The following SLIT3 variants were observed in gnomAD, a reference collection of about 807,000 sequenced individuals.
SLIT3 encodes slit guidance ligand 3.
SLIT3 carries 68 observed loss-of-function variants against 184.0 expected under a neutral mutation model. The observed-to-expected ratio is 0.37, with a 90% confidence interval of 0.30 to 0.45. SLIT3 has a LOEUF of 0.45. SLIT3 is among the 20% of genes least tolerant of loss of function. SLIT3 has a pLI of 1.00. For missense variants in SLIT3, 1,707 were observed against 2,026.0 expected, an observed-to-expected ratio of 0.84 and a Z score of 3.02; for synonymous variants, 831 against 828.6, an observed-to-expected ratio of 1.00 and a Z score of -0.05.
At chr5:169,259,305 C>T (rs763314927) in intron 1 of SLIT3, among the ~76,000 whole-genome samples, 15 of 152,134 alleles carry the variant, frequency 9.9e-5, no homozygotes, top group East Asian at 5.8e-4. Flanking sequence ...GTGATCCAAC[C>T]GCCTCAGCCT....
chr5:169,102,186 C>T (rs1273221198), intron 4 of SLIT3, among the ~76,000 whole-genome samples: 2 of 152,154 alleles, frequency 1.3e-5, no homozygotes, highest in Non-Finnish European at 2.9e-5. Flanking sequence ...TAAAAGGAAA[C>T]ATGTGTGTTG....
At chr5:168,999,386 G>C (rs571262795) in intron 4 of SLIT3, among the ~76,000 whole-genome samples, 116 of 151,660 alleles carry the variant, frequency 7.6e-4, no homozygotes, top group Non-Finnish European at 1.6e-4. Context: ...TGGATAAACA[G>C]TAATAATTAC....
At position 168,753,881 on chromosome 5, in the gene SLIT3, G is replaced by A. The variant is rs780068139; in HGVS notation, c.1812C>T (p.Leu604=). The A allele has an allele frequency of 7.4e-6, 12 of 1,611,272 alleles. No homozygotes were observed. The highest frequency in any genetic ancestry group is 2.2e-5 in the East Asian group (1 of 44,888). Residue 604 remains leucine (L), a synonymous_variant, in exon 17 of 36, where the codon CTC becomes CTT. Transcript: ENST00000519560. ...GCACTCACAAGGTTTTGAGGCCACT[G>A]AGGCCACGGAACACGCGCCCGTGCA... ...ETVHGRVFRG[L]SGLKTLMLRS...
chr5:168,687,009 C>T lies in SLIT3; in HGVS notation c.3284G>A (p.Gly1095Asp), dbSNP rs1761764669. The T allele has an allele frequency of 6.2e-7, 1 of 1,614,238 alleles. No homozygotes were observed. Among genetic ancestry groups the T allele is most frequent in the Non-Finnish European group, 8.5e-7 (1 of 1,180,020 alleles). The change falls in exon 30 of 36, where the codon GGC becomes GAC. Residue 1095 changes from glycine to aspartate, a missense_variant. Gly to Asp is a moderately conservative substitution (Grantham distance 94, BLOSUM62 -1). Coordinates refer to ENST00000519560, the MANE Select transcript of SLIT3 (RefSeq NM_003062.4). ...GCCCTGGGGGCAGGTGCATGTGTAG[C>T]CATTGATTGTGTCCACGCACTGGGC... Reference protein sequence around the residue: ...HGAQCVDTINGYTCTCPQGFS... With the variant: ...HGAQCVDTINDYTCTCPQGFS...
At chr5:168,870,352 C>T (rs1472971798) in intron 5 of SLIT3, among the ~76,000 whole-genome samples, 1 of 152,164 alleles carries the variant, frequency 6.6e-6, no homozygotes, top group Non-Finnish European at 1.5e-5. Context: ...TGCAGAAATC[C>T]CTAACCAGTC....
chr5:168,819,848 A>C (rs369048805), intron 7 of SLIT3, among the ~76,000 whole-genome samples: 7 of 152,068 alleles, frequency 4.6e-5, no homozygotes, highest in Admixed American at 3.9e-4. Context: ...CTTAATAGAA[A>C]TTTTTCTCCT....
At chr5:168,966,247 T>C (rs902204275) in intron 4 of SLIT3, among the ~76,000 whole-genome samples, 2 of 152,180 alleles carry the variant, frequency 1.3e-5, no homozygotes, top group African/African-American at 4.8e-5. Context: ...GTGCCATGTA[T>C]GTAGATTTTT....
At position 168,975,724 on chromosome 5, in the gene SLIT3, G is replaced by C. The variant is rs748820555; in HGVS notation, c.414-92388C>G. On this transcript the variant is annotated intron_variant, in intron 4 of 35. Transcript: ENST00000519560. Reference sequence around the variant, plus strand: ...CATTCTTCCCTGGATTTTCCCCTTTGCTTCCCTCCCCAGAAGTCCTCTAGA... The same window carrying C: ...CATTCTTCCCTGGATTTTCCCCTTTCCTTCCCTCCCCAGAAGTCCTCTAGA... 3.0e-4 allele frequency among the ~76,000 whole-genome samples: 45 copies of C among 152,108 alleles called. 1 individual carries two copies. The highest frequency in any genetic ancestry group is 5.1e-4 in the Non-Finnish European group (35 of 68,008).
intron 4 of SLIT3, among the ~76,000 whole-genome samples, chr5:169,001,178 A>G (rs1755691294): frequency 6.6e-6 from 1 of 152,232 alleles, no homozygotes; most frequent in South Asian, 2.1e-4. Flanking sequence ...GAAATGAAAA[A>G]AAATTCTCAG....
intron 18 of SLIT3, among the ~76,000 whole-genome samples, chr5:168,750,297 G>T (rs1456144888): frequency 6.6e-6 from 1 of 152,218 alleles, no homozygotes; most frequent in Non-Finnish European, 1.5e-5. Context: ...ATCCCTTCCT[G>T]AGTGTTTACT....
intron 1 of SLIT3, among the ~76,000 whole-genome samples, chr5:169,255,657 G>T (rs1358286145): frequency 1.3e-5 from 2 of 152,182 alleles, no homozygotes; most frequent in Non-Finnish European, 2.9e-5. Context: ...GCCAAGCCGG[G>T]CGGATCACAA....
At chr5:169,140,501 A>G (rs1761688798) in intron 4 of SLIT3, among the ~76,000 whole-genome samples, 1 of 138,608 alleles carries the variant, frequency 7.2e-6, no homozygotes, top group Non-Finnish European at 1.5e-5. Flanking sequence ...AAAAAAAAAA[A>G]AAAAAAAAGA....
chr5:169,027,923 A>G (rs1756887354), intron 4 of SLIT3, among the ~76,000 whole-genome samples: 1 of 152,152 alleles, frequency 6.6e-6, no homozygotes, highest in Non-Finnish European at 1.5e-5. Flanking sequence ...GCACTAAGAA[A>G]ACTCCTTTAC....
intron 4 of SLIT3, among the ~76,000 whole-genome samples, chr5:169,003,092 C>T (rs1755777316): frequency 6.6e-6 from 1 of 152,138 alleles, no homozygotes; most frequent in African/African-American, 2.4e-5. Flanking sequence ...CTACTAAATC[C>T]ATTAGAAAGG....
intron 4 of SLIT3, among the ~76,000 whole-genome samples, chr5:168,951,189 C>T (rs1411614490): frequency 1.3e-5 from 2 of 152,204 alleles, no homozygotes; most frequent in Non-Finnish European, 2.9e-5. Context: ...CACTGCACTC[C>T]AGCCTGGGCG....
At chr5:169,133,127 C>T (rs1761366515) in intron 4 of SLIT3, among the ~76,000 whole-genome samples, 1 of 152,112 alleles carries the variant, frequency 6.6e-6, no homozygotes, top group Admixed American at 6.6e-5. Flanking sequence ...GCACCTTATC[C>T]TTCTTTTCCT....
intron 1 of SLIT3, among the ~76,000 whole-genome samples, chr5:169,280,454 G>A (rs1481943597): frequency 4.6e-5 from 7 of 152,014 alleles, no homozygotes; most frequent in Non-Finnish European, 2.9e-5. Flanking sequence ...AAGCGGCCTC[G>A]TCTCAGGCAG....
chr5:168,991,489 T>C (rs1271056852), intron 4 of SLIT3, among the ~76,000 whole-genome samples: 1 of 152,168 alleles, frequency 6.6e-6, no homozygotes, highest in Non-Finnish European at 1.5e-5. Flanking sequence ...CTCTAGAAGC[T>C]GGGCTGAGTC....
In SLIT3 at chr5:168,774,977, T is replaced by C. The variant is rs143967703; in HGVS notation, c.1152-599A>G. 9.9e-3 allele frequency among the ~76,000 whole-genome samples: 1,498 copies of C among 151,540 alleles called. 14 individuals are homozygous for C. The highest frequency in any genetic ancestry group is 0.014 in the Non-Finnish European group (965 of 67,958). On this transcript the variant is annotated intron_variant, in intron 12 of 35. Coordinates refer to ENST00000519560, the MANE Select transcript of SLIT3 (RefSeq NM_003062.4). Reference sequence around the variant, plus strand: ...CCCATGTGGTTTGACCTTGGCCCTTTCGCCAACCTCATCCTAACCCCACTC... The same window carrying C: ...CCCATGTGGTTTGACCTTGGCCCTTCCGCCAACCTCATCCTAACCCCACTC...
Sources: allele counts gnomAD v4.1 joint callset (sites outside exome capture counted in the v4.1 genomes callset), GRCh38; gene constraint gnomAD v4.1.1; transcripts MANE v1.5; gene names NCBI Gene and HGNC (gene_info 2026-07-23, HGNC 2026-07-21).